PHF21A: variants seen among roughly 807,000 people sequenced by gnomAD.
PHF21A encodes PHD finger protein 21A, also known as BHC80a.
PHF21A carries 11 observed loss-of-function variants against 82.5 expected under a neutral mutation model. The observed-to-expected ratio is 0.13, with a 90% CI of 0.08 to 0.22. The LOEUF (loss-of-function observed/expected upper bound fraction) is 0.22, where lower values mean the gene tolerates loss of function less well. Ranked by LOEUF, PHF21A falls within the 10% of genes least tolerant of loss-of-function variation. The pLI, the probability that PHF21A is intolerant of heterozygous loss-of-function variation, is 1.00. For synonymous variants in PHF21A, 297 were observed against 302.8 expected (o/e 0.98, Z 0.20); for missense variants, 579 against 837.8 (o/e 0.69, Z 3.81).
chr11:46,082,394 G>T (rs1287323921), intron 4 of PHF21A, among the ~76,000 whole-genome samples: 1 of 152,072 alleles, frequency 6.6e-6, no homozygotes, highest in Non-Finnish European at 1.5e-5. Context: ...GCCTCAATTT[G>T]TCATGATCAA....
At chr11:45,950,380 G>A in intron 11 of PHF21A, 123 bp from the exon 12 acceptor site, 2 of 657,404 alleles carry the variant, frequency 3.0e-6, no homozygotes, top group East Asian at 5.6e-5. Context: ...ATGCACAAGA[G>A]CAGGCATTCT....
chr11:46,014,313 C>T lies in PHF21A; in HGVS notation c.154-34347G>A, dbSNP rs117234885. Among the ~76,000 whole-genome samples the T allele has an allele frequency of 1.1e-4, 16 of 152,352 alleles. No individual in the cohort carries two copies. The East Asian group carries it at 2.7e-3, about 26-fold the overall frequency. On this transcript the variant is annotated intron_variant, in intron 6 of 18. Transcript: ENST00000676320. ...ATTCCCTTAGGATAATGGCCTCCAG[C>T]TGCAGCCATGTTGCTGCAAAGGATA...
rs1484264011 is a variant in PHF21A, at chr11:45,969,846, C to T, written c.671G>A (p.Arg224Lys). The T allele has an allele frequency of 6.2e-7, 1 of 1,613,868 alleles. No homozygotes were observed. Among genetic ancestry groups the T allele is most frequent in the Admixed American group, 1.7e-5 (1 of 60,004 alleles). The change falls in exon 9 of 19, where the codon AGA becomes AAA. Residue 224 changes from arginine to lysine, a missense_variant. Arg to Lys is a conservative substitution (Grantham distance 26). Transcript: ENST00000676320. ...IKVPQFIPPP[R>K]LTPRPNFLPQ... ...AAGAAAGTTTGGACGTGGAGTGAGT[C>T]TAGGAGGGGGGATAAACTGTGGTAC...
intron 6 of PHF21A, among the ~76,000 whole-genome samples, chr11:46,020,141 T>A (rs950694594): frequency 3.3e-5 from 5 of 152,164 alleles, no homozygotes; most frequent in African/African-American, 1.2e-4. Flanking sequence ...TCAAAAGTAA[T>A]CAGGCTGGGA....
chr11:46,112,133 G>A (rs182913622), intron 1 of PHF21A, among the ~76,000 whole-genome samples: 1 of 152,296 alleles, frequency 6.6e-6, no homozygotes, highest in East Asian at 1.9e-4. Flanking sequence ...AAAATATTCA[G>A]TTACTGGTGT....
At chr11:46,005,036 T>G (rs911146307) in intron 6 of PHF21A, among the ~76,000 whole-genome samples, 4 of 152,204 alleles carry the variant, frequency 2.6e-5, no homozygotes, top group Non-Finnish European at 5.9e-5. Flanking sequence ...TTTTAACACA[T>G]GCATGTATAC....
chr11:46,049,102 A>G (rs1235390084), intron 6 of PHF21A, among the ~76,000 whole-genome samples: 3 of 152,168 alleles, frequency 2.0e-5, no homozygotes, highest in Non-Finnish European at 1.5e-5. Flanking sequence ...TAGAAAGGAG[A>G]GATTATCATT....
chr11:46,115,895 ACTGT>A (rs1044632492), intron 1 of PHF21A, among the ~76,000 whole-genome samples: 3 of 152,152 alleles, frequency 2.0e-5, no homozygotes, highest in African/African-American at 7.2e-5. Context: ...TTTACTATTC[ACTGT>A]CTGTAGGATG....
chr11:46,029,067 C>T (rs2095812217), intron 6 of PHF21A, among the ~76,000 whole-genome samples: 1 of 152,146 alleles, frequency 6.6e-6, no homozygotes. Context: ...CTTTTCAAAA[C>T]AAAATGTAGC....
chr11:45,986,723 G>A (rs935432878), intron 6 of PHF21A, among the ~76,000 whole-genome samples: 47 of 151,908 alleles, frequency 3.1e-4, no homozygotes, highest in African/African-American at 1.1e-3. Flanking sequence ...CAGGGGCAAT[G>A]TGAAAAAAAG....
intron 6 of PHF21A, among the ~76,000 whole-genome samples, chr11:46,060,688 G>T (rs1031037717): frequency 6.6e-6 from 1 of 152,108 alleles, no homozygotes; most frequent in Admixed American, 6.5e-5. Context: ...TTGTAAATTT[G>T]TTTAAGTTCC....
chr11:46,084,407 G>A (rs1364946970), intron 3 of PHF21A, 105 bp from the exon 4 acceptor site: 2 of 434,934 alleles, frequency 4.6e-6, no homozygotes, highest in Non-Finnish European at 7.9e-6. Flanking sequence ...TCTAACGCAG[G>A]GCAAGAAATT....
At chr11:45,957,751 C>CAAAAAAAAAAAAAAAAAAGAAAAAA (rs2092766197) in intron 10 of PHF21A, among the ~76,000 whole-genome samples, 2 of 60,890 alleles carry the variant, frequency 3.3e-5, no homozygotes, top group African/African-American at 6.0e-5. Flanking sequence ...AAATTCAAAG[C>CAAAAAAAAAAAAAAAAAAGAAAAAA]AAAAAAAAAA....
intron 1 of PHF21A, among the ~76,000 whole-genome samples, chr11:46,093,931 A>G (rs1223219007): frequency 1.3e-5 from 2 of 152,206 alleles, no homozygotes; most frequent in Non-Finnish European, 2.9e-5. Context: ...AAATATAGTA[A>G]AAAGGAAAAG....
chr11:46,052,247 C>T (rs569813239), intron 6 of PHF21A, among the ~76,000 whole-genome samples: 83 of 152,294 alleles, frequency 5.4e-4, no homozygotes, highest in African/African-American at 1.9e-3. Context: ...AAACCTAGAG[C>T]TGCCAGAGGC....
At chr11:45,991,084 C>T (rs529659669) in intron 6 of PHF21A, among the ~76,000 whole-genome samples, 143 of 152,332 alleles carry the variant, frequency 9.4e-4, no homozygotes, top group African/African-American at 3.1e-3. Flanking sequence ...TTTTTACTGC[C>T]TCCATAGTTC....
chr11:46,107,637 T>A (rs1439649152), intron 1 of PHF21A, among the ~76,000 whole-genome samples: 3 of 152,244 alleles, frequency 2.0e-5, no homozygotes, highest in African/African-American at 4.8e-5. Flanking sequence ...AAGGCTTTTT[T>A]AAAAACTTTT....
intron 1 of PHF21A, among the ~76,000 whole-genome samples, chr11:46,115,200 C>T (rs964609443): frequency 3.3e-5 from 5 of 152,050 alleles, no homozygotes; most frequent in African/African-American, 1.2e-4. Flanking sequence ...AATTGCCACA[C>T]AAGTCTAGTG....
rs114306048 is a variant in PHF21A at position 45,944,045 on chromosome 11, T to C, written c.1452+1795A>G. Among the ~76,000 whole-genome samples, 1,116 of 152,256 alleles carry C rather than the reference T, an allele frequency of 7.3e-3. 15 individuals are homozygous for C. Among genetic ancestry groups the C allele is most frequent in the African/African-American group, 0.023 (956 of 41,552 alleles). On this transcript the variant is annotated intron_variant, in intron 15 of 18. Transcript: ENST00000676320. ...AAGGATTACCAAACAGACAATATCA[T>C]GACAATAAATGTCAAGAGTAATCTT...
Sources: gnomAD v4.1 joint callset for allele counts (sites outside exome capture counted in the v4.1 genomes callset) on GRCh38, gnomAD v4.1.1 for gene constraint, MANE v1.5 for transcripts, NCBI Gene and HGNC (gene_info 2026-07-23, HGNC 2026-07-21) for gene names.